Variants in VEPH1 observed in about 807,000 individuals in gnomAD.
The protein encoded by VEPH1 is ventricular zone expressed PH domain containing 1.
In VEPH1, 80 loss-of-function variants were observed where a neutral mutation model predicts 85.2. The ratio of observed to expected loss-of-function variants is 0.94; its 90% CI spans 0.78 to 1.13. The LOEUF (loss-of-function observed/expected upper bound fraction) is 1.13, where lower values mean the gene tolerates loss of function less well. Ranked by LOEUF, VEPH1 falls within the 50% of genes most tolerant of loss-of-function variation. The pLI is 0.00. For missense variants in VEPH1, 955 were observed against 980.5 expected (o/e 0.97, Z 0.35); for synonymous variants, 297 against 348.0 (o/e 0.85, Z 1.63).
intron 4 of VEPH1, among the ~76,000 whole-genome samples, chr3:157,459,155 C>A (rs1176975356): frequency 6.6e-6 from 1 of 152,214 alleles, no homozygotes; most frequent in Non-Finnish European, 1.5e-5. Context: ...TGGTTCAGCA[C>A]AAAGACTGCC....
At chr3:157,334,104 A>G (rs1459720335) in intron 9 of VEPH1, among the ~76,000 whole-genome samples, 1 of 152,222 alleles carries the variant, frequency 6.6e-6, no homozygotes, top group Non-Finnish European at 1.5e-5. Context: ...AAACTCATTG[A>G]CGCTCCTGTT....
At chr3:157,327,711 C>G (rs994631538) in intron 9 of VEPH1, among the ~76,000 whole-genome samples, 6 of 152,052 alleles carry the variant, frequency 3.9e-5, no homozygotes, top group Admixed American at 6.6e-5. Context: ...TATGTAGTGT[C>G]CCTTGGTGCA....
chr3:157,356,537 T>G (rs923732245), intron 9 of VEPH1, among the ~76,000 whole-genome samples: 4 of 152,212 alleles, frequency 2.6e-5, no homozygotes, highest in African/African-American at 9.6e-5. Flanking sequence ...TGATGGTTGT[T>G]GTGGAGCAAA....
intron 3 of VEPH1, among the ~76,000 whole-genome samples, chr3:157,465,788 C>T (rs1296974299): frequency 6.6e-6 from 1 of 152,204 alleles, no homozygotes; most frequent in East Asian, 1.9e-4. Flanking sequence ...AAAGTAGACA[C>T]TTTCTGATTT....
intron 11 of VEPH1, among the ~76,000 whole-genome samples, chr3:157,290,586 C>T (rs1234971386): frequency 6.6e-6 from 1 of 152,128 alleles, no homozygotes; most frequent in Non-Finnish European, 1.5e-5. Context: ...CCCAAGTACA[C>T]TCCAAATCAG....
intron 12 of VEPH1, among the ~76,000 whole-genome samples, chr3:157,272,090 C>T (rs1330564226): frequency 6.6e-6 from 1 of 151,810 alleles, no homozygotes; most frequent in Non-Finnish European, 1.5e-5. Flanking sequence ...TCAGAAGGAG[C>T]CAAATCAGGA....
intron 6 of VEPH1, among the ~76,000 whole-genome samples, chr3:157,406,173 C>T (rs1457887356): frequency 6.6e-6 from 1 of 152,116 alleles, no homozygotes; most frequent in Non-Finnish European, 1.5e-5. Context: ...AAGTAGCAGC[C>T]ACTGGCACCA....
chr3:157,382,522 T>G (rs1231611423), intron 6 of VEPH1, among the ~76,000 whole-genome samples: 1 of 152,230 alleles, frequency 6.6e-6, no homozygotes, highest in African/African-American at 2.4e-5. Flanking sequence ...AAAATATGGC[T>G]TATTTCACCT....
chr3:157,410,327 G>A (rs1731437988), intron 6 of VEPH1, among the ~76,000 whole-genome samples: 1 of 152,136 alleles, frequency 6.6e-6, no homozygotes, highest in South Asian at 2.1e-4. Flanking sequence ...ATAGAAAGTG[G>A]TGGGGCTTTT....
chr3:157,482,110 C>T (rs976616635), intron 2 of VEPH1, among the ~76,000 whole-genome samples: 1 of 152,104 alleles, frequency 6.6e-6, no homozygotes, highest in African/African-American at 2.4e-5. Context: ...AATGTGATGC[C>T]TCCAGCTTTG....
intron 11 of VEPH1, among the ~76,000 whole-genome samples, chr3:157,295,831 T>G (rs939350801): frequency 1.3e-5 from 2 of 152,202 alleles, no homozygotes; most frequent in Non-Finnish European, 2.9e-5. Context: ...GGCACAGGCC[T>G]GTCGTCCCAG....
At chr3:157,341,123 C>T (rs972350927) in intron 9 of VEPH1, among the ~76,000 whole-genome samples, 5 of 152,162 alleles carry the variant, frequency 3.3e-5, no homozygotes, top group African/African-American at 4.8e-5. Flanking sequence ...AGAGCCTCTC[C>T]CCCTCCAAAG....
At chr3:157,471,636 G>A (rs1736965833) in intron 2 of VEPH1, among the ~76,000 whole-genome samples, 1 of 151,448 alleles carries the variant, frequency 6.6e-6, no homozygotes, top group Non-Finnish European at 1.5e-5. Flanking sequence ...ATGGTTCTGT[G>A]TTTATTGGCT....
intron 1 of VEPH1, among the ~76,000 whole-genome samples, chr3:157,500,731 G>T (rs1740035321): frequency 6.6e-6 from 1 of 152,006 alleles, no homozygotes; most frequent in East Asian, 1.9e-4. Context: ...TTTTTATCCA[G>T]TTTTATTTTT....
At chr3:157,296,172 A>T (rs7649737) in intron 11 of VEPH1, among the ~76,000 whole-genome samples, 32,753 of 152,226 alleles carry the variant, frequency 0.22, 4,453 homozygotes, top group Admixed American at 0.41. Flanking sequence ...GAAATAATAC[A>T]CAACAACCTC....
chr3:157,301,110 T>C (rs1306038978), intron 11 of VEPH1, among the ~76,000 whole-genome samples: 2 of 152,206 alleles, frequency 1.3e-5, no homozygotes, highest in Non-Finnish European at 2.9e-5. Context: ...AGCTGAAAAT[T>C]CTCCCGGTGT....
chr3:157,292,790 G>A (rs1454120362), intron 11 of VEPH1, among the ~76,000 whole-genome samples: 1 of 131,790 alleles, frequency 7.6e-6, no homozygotes, highest in African/African-American at 2.9e-5. Context: ...AAGACCAGAT[G>A]ATGAAACCCC....
chr3:157,437,167 T>G, intron 4 of VEPH1: 2 of 1,423,292 alleles, frequency 1.4e-6, no homozygotes, highest in Non-Finnish European at 1.9e-6. Flanking sequence ...AGTTAAAAAT[T>G]TATAGCTTGT....
chr3:157,442,053 AAG>A (rs1326088603), intron 4 of VEPH1, among the ~76,000 whole-genome samples: 4 of 152,324 alleles, frequency 2.6e-5, no homozygotes, highest in African/African-American at 9.6e-5. Flanking sequence ...AGCAGTAACA[AAG>A]AAAATATGCA....
Sources: gnomAD v4.1 joint callset for allele counts (sites outside exome capture counted in the v4.1 genomes callset) on GRCh38, gnomAD v4.1.1 for gene constraint, MANE v1.5 for transcripts, NCBI Gene and HGNC (gene_info 2026-07-23, HGNC 2026-07-21) for gene names.